Variants in LEPR observed in about 807,000 individuals in gnomAD.
The protein encoded by LEPR is leptin receptor, also known as OB receptor.
Under a neutral mutation model 114.7 loss-of-function variants are expected in LEPR, and 56 were observed. The observed-to-expected ratio is 0.49, with a 90% CI of 0.39 to 0.61. The LOEUF is 0.61. Ranked by LOEUF, LEPR falls within the 20% of genes least tolerant of loss-of-function variation. LEPR has a pLI of 0.00. For missense variants in LEPR, 1,202 were observed against 1,352.9 expected, an observed-to-expected ratio of 0.89 and a Z score of 1.75; for synonymous variants, 443 against 461.4, an observed-to-expected ratio of 0.96 and a Z score of 0.51.
At position 65,570,789 on chromosome 1, in the gene LEPR, T is replaced by C. The variant is rs1265638574; in HGVS notation, c.357T>C (p.Val119=). Residue 119 remains valine, a synonymous_variant, in exon 4 of 20, where the codon GTT becomes GTC. Transcript: ENST00000349533. ...KTFVSTVNSL[V]FQQIDANWNI... Reference sequence around the variant, plus strand: ...TTGTTTCAACAGTAAATTCTTTAGTTTTTCAACAAATAGGTAAGCATTAGC... The same window carrying C: ...TTGTTTCAACAGTAAATTCTTTAGTCTTTCAACAAATAGGTAAGCATTAGC... 1 of 1,557,104 alleles carries C rather than the reference T, an allele frequency of 6.4e-7. No homozygotes were observed. Among genetic ancestry groups the C allele is most frequent in the Non-Finnish European group, 8.7e-7 (1 of 1,153,390 alleles).
At chr1:65,476,889 T>C (rs909972494) in intron 2 of LEPR, among the ~76,000 whole-genome samples, 6 of 152,220 alleles carry the variant, frequency 3.9e-5, no homozygotes, top group African/African-American at 1.2e-4. Context: ...GAAAACAATT[T>C]TATATTTTAC....
At chr1:65,495,037 G>A (rs1590640) in intron 2 of LEPR, among the ~76,000 whole-genome samples, 86,115 of 151,816 alleles carry the variant, frequency 0.57, 25,174 homozygotes, top group Middle Eastern at 0.71. Context: ...AAAACAAGTA[G>A]TAAAAGCAAA....
chr1:65,483,086 G>A lies in LEPR; in HGVS notation c.-21+57708G>A, dbSNP rs147396776. 4.7e-3 allele frequency among the ~76,000 whole-genome samples: 718 copies of A among 151,916 alleles called. 6 individuals are homozygous for A. Among genetic ancestry groups the A allele is most frequent in the African/African-American group, 0.017 (687 of 41,430 alleles). On this transcript the variant is annotated intron_variant, in intron 2 of 19. Transcript: ENST00000349533. ...ATATTGCTTAGACAAAACACAAAGC[G>A]CACAAACCATAAAGAGAAAGATTGG...
In LEPR at chr1:65,601,459, T is replaced by C. The variant is rs749772073; in HGVS notation, c.1062T>C (p.Tyr354=). The C allele has an allele frequency of 3.7e-6, 6 of 1,613,536 alleles. No individual in the cohort carries two copies. In the Admixed American group the frequency reaches 6.7e-5, roughly 18 times the overall value. Reference sequence around the variant, plus strand: ...CTAATGTTTCTTTTCACTGCATCTATAAGAAGGAAAACAAGATTGTTCCCT... The same window carrying C: ...CTAATGTTTCTTTTCACTGCATCTACAAGAAGGAAAACAAGATTGTTCCCT... The part of the protein sequence containing the change: ...VGSNVSFHCI[Y]KKENKIVPSK... Residue 354 remains tyrosine (Y), a synonymous_variant, in exon 9 of 20, where the codon TAT becomes TAC. Transcript: ENST00000349533.
At chr1:65,465,105 A>C (rs1646993475) in intron 2 of LEPR, among the ~76,000 whole-genome samples, 1 of 151,918 alleles carries the variant, frequency 6.6e-6, no homozygotes. Flanking sequence ...TACTTCTTTT[A>C]ACTGTGATGA....
At position 65,592,756 on chromosome 1, in the gene LEPR, G is replaced by T; in HGVS notation, c.594G>T (p.Val198=). 1 of 1,613,284 alleles carries T rather than the reference G, an allele frequency of 6.2e-7. No homozygotes were observed. The highest frequency in any genetic ancestry group is 1.7e-5 in the Admixed American group (1 of 59,916). The part of the protein sequence containing the change: ...CSVHECCECL[V]PVPTAKLNDT... ...TTCATGAATGTTGTGAATGTCTTGT[G>T]CCTGTGCCAACAGCCAAACTCAACG... is the stretch of plus-strand genomic sequence containing the variant. Residue 198 remains valine, a synonymous_variant, in exon 6 of 20, where the codon GTG becomes GTT. Coordinates refer to ENST00000349533, the MANE Select transcript of LEPR (RefSeq NM_002303.6).
intron 2 of LEPR, among the ~76,000 whole-genome samples, chr1:65,486,059 T>C (rs902356022): frequency 1.3e-5 from 2 of 152,212 alleles, no homozygotes; most frequent in African/African-American, 4.8e-5. Context: ...CTCCACTTGC[T>C]GTAGTTGGAG....
intron 6 of LEPR, among the ~76,000 whole-genome samples, chr1:65,593,167 A>ATAAT (rs61534304): frequency 0.5 from 76,002 of 151,456 alleles, 19,847 homozygotes; most frequent in East Asian, 0.88. Context: ...ATTTTTGAAA[A>ATAAT]TAGTAGCATG....
chr1:65,572,317 T>TTTAAA lies in LEPR; in HGVS notation c.371-9_371-8insTTAAA. 1 of 1,223,888 alleles carries TTTAAA rather than the reference T, an allele frequency of 8.2e-7. No individual in the cohort carries two copies. The highest frequency in any genetic ancestry group is 1.4e-5 in the South Asian group (1 of 69,000). The allele number at this position is 1,223,888 out of a possible 1,614,324, so 75.8% of individuals were successfully genotyped here. A position where few individuals can be genotyped will look rare whatever the true frequency, so the allele number is the denominator to read the frequency against. On this transcript the variant is annotated splice_polypyrimidine_tract_variant and intron_variant, in intron 4 of 19. Transcript: ENST00000349533. The stretch of plus-strand genomic sequence containing the variant: ...TTTTTTTTTTTTTTTTTTTTTTTTT[T>TTTAAA]AAATTCAGATGCAAACTGGAACATA...
chr1:65,516,430 C>G (rs1391807160), intron 2 of LEPR, among the ~76,000 whole-genome samples: 1 of 142,882 alleles, frequency 7.0e-6, no homozygotes, highest in African/African-American at 2.7e-5. Flanking sequence ...GGCGAAAGAG[C>G]GAGACTCCGT....
intron 2 of LEPR, among the ~76,000 whole-genome samples, chr1:65,536,222 G>A (rs927227161): frequency 5.9e-5 from 9 of 152,092 alleles, no homozygotes; most frequent in Admixed American, 5.9e-4. Context: ...TGTGAGCACT[G>A]ATTTTTAAAA....
At chr1:65,470,801 C>A (rs898686360) in intron 2 of LEPR, among the ~76,000 whole-genome samples, 4 of 152,184 alleles carry the variant, frequency 2.6e-5, no homozygotes, top group Non-Finnish European at 5.9e-5. Flanking sequence ...AGGGGAAAGT[C>A]CTAACCTTAT....
intron 14 of LEPR, among the ~76,000 whole-genome samples, chr1:65,613,226 T>C (rs1657289194): frequency 6.6e-6 from 1 of 152,212 alleles, no homozygotes; most frequent in Non-Finnish European, 1.5e-5. Context: ...CCTGCTTCAG[T>C]CATTGGGAGC....
intron 2 of LEPR, among the ~76,000 whole-genome samples, chr1:65,436,996 C>T (rs1330895228): frequency 6.6e-6 from 1 of 152,204 alleles, no homozygotes; most frequent in East Asian, 1.9e-4. Flanking sequence ...GCCTTCTCCT[C>T]AAAATTGTAT....
At chr1:65,518,861 T>TTCTA (rs1491576184) in intron 2 of LEPR, among the ~76,000 whole-genome samples, 1 of 143,944 alleles carries the variant, frequency 6.9e-6, no homozygotes, top group Non-Finnish European at 1.5e-5. Flanking sequence ...TCTCTTTTCT[T>TTCTA]TCTTTCTTTC....
At chr1:65,553,390 A>G (rs919090019) in intron 2 of LEPR, among the ~76,000 whole-genome samples, 1 of 151,580 alleles carries the variant, frequency 6.6e-6, no homozygotes, top group South Asian at 2.1e-4. Flanking sequence ...ATAGTCCCAT[A>G]TTTCTTGGAG....
intron 2 of LEPR, among the ~76,000 whole-genome samples, chr1:65,554,175 G>T (rs1337804899): frequency 7.9e-5 from 12 of 152,190 alleles, no homozygotes; most frequent in Admixed American, 7.9e-4. Flanking sequence ...CAGTCAAGAG[G>T]CAGGGTGGTT....
chr1:65,527,525 T>C (rs1373413267), intron 2 of LEPR, among the ~76,000 whole-genome samples: 1 of 152,236 alleles, frequency 6.6e-6, no homozygotes, highest in African/African-American at 2.4e-5. Flanking sequence ...TCTAATGTTT[T>C]ATCAGTAGCA....
intron 2 of LEPR, among the ~76,000 whole-genome samples, chr1:65,470,953 G>A (rs1647075761): frequency 6.6e-6 from 1 of 152,170 alleles, no homozygotes; most frequent in Non-Finnish European, 1.5e-5. Context: ...AAAAATTAAT[G>A]AGACAGTCTT....
Sources: allele counts gnomAD v4.1 joint callset (sites outside exome capture counted in the v4.1 genomes callset), GRCh38; gene constraint gnomAD v4.1.1; transcripts MANE v1.5; gene names NCBI Gene and HGNC (gene_info 2026-07-23, HGNC 2026-07-21).